IL4: variants seen among roughly 807,000 people sequenced by gnomAD.
The protein encoded by IL4 is interleukin-4.
IL4 carries 10 observed loss-of-function variants against 17.4 expected under a neutral mutation model. That is an observed-to-expected ratio of 0.57 (90% CI 0.35 to 0.97). The LOEUF is 0.97. Among genes scored for constraint, IL4 ranks in the 50% least tolerant of loss-of-function variants. The pLI, the probability that IL4 is intolerant of heterozygous loss-of-function variation, is 0.01. For synonymous variants in IL4, 87 were observed against 79.0 expected (o/e 1.10, Z -0.54); for missense variants, 174 against 187.7 (o/e 0.93, Z 0.43).
At chr5:132,678,712 G>A (rs775654061) in intron 2 of IL4, among the ~76,000 whole-genome samples, 6 of 152,126 alleles carry the variant, frequency 3.9e-5, no homozygotes, top group Non-Finnish European at 5.9e-5. Context: ...AGAGCATGTC[G>A]GGGGAGAGGC....
intron 3 of IL4, 26 bp downstream of exon 3, chr5:132,679,916 G>C (rs1304546181): frequency 6.3e-7 from 1 of 1,587,618 alleles, no homozygotes; most frequent in Non-Finnish European, 8.6e-7. Context: ...TTCCTGGCAA[G>C]CCGGCCGCGT....
At chr5:132,679,059 C>G (rs1244681772) in intron 2 of IL4, among the ~76,000 whole-genome samples, 1 of 152,230 alleles carries the variant, frequency 6.6e-6, no homozygotes, top group Non-Finnish European at 1.5e-5. Flanking sequence ...CCAGAGCCTC[C>G]TCTGATCTCC....
rs1454518739 is a variant in IL4, at chr5:132,682,563, G to A, written c.438G>A (p.Glu146=). ...FLERLKTIMR[E]KYSKCSS ...AAAGGCTAAAGACGATCATGAGAGAGAAATATTCAAAGTGTTCGAGCTGAA... is the reference window on the plus strand; with the variant it reads ...AAAGGCTAAAGACGATCATGAGAGAAAAATATTCAAAGTGTTCGAGCTGAA... The change falls in exon 4 of 4, where the codon GAG becomes GAA. Residue 146 remains glutamate, a synonymous_variant. Coordinates refer to ENST00000231449, the MANE Select transcript of IL4 (RefSeq NM_000589.4). The A allele has an allele frequency of 1.2e-6, 2 of 1,604,988 alleles. No homozygotes were observed. The highest frequency in any genetic ancestry group is 1.7e-5 in the Admixed American group (1 of 59,860).
intron 2 of IL4, among the ~76,000 whole-genome samples, chr5:132,678,819 A>G (rs569263879): frequency 6.6e-6 from 1 of 152,332 alleles, no homozygotes; most frequent in East Asian, 1.9e-4. Flanking sequence ...GTGAAAAATG[A>G]GAGGACACAC....
intron 2 of IL4, 96 bp from the exon 3 acceptor site, chr5:132,679,618 T>C: frequency 9.0e-7 from 1 of 1,113,906 alleles, no homozygotes; most frequent in Non-Finnish European, 1.3e-6. Flanking sequence ...TCACCTCCAT[T>C]TGTCCTCCTG....
chr5:132,677,826 C>G (rs376190821), intron 2 of IL4: 1 of 152,222 alleles, frequency 6.6e-6, no homozygotes, highest in Admixed American at 6.5e-5. Flanking sequence ...CACCATCTGC[C>G]GCCCCCCATC....
chr5:132,677,077 A>G (rs896256058), intron 2 of IL4, among the ~76,000 whole-genome samples: 1 of 152,230 alleles, frequency 6.6e-6, no homozygotes, highest in Non-Finnish European at 1.5e-5. Flanking sequence ...AATTCTACAG[A>G]GAGTTCCATA....
chr5:132,677,507 A>C (rs1752403353), intron 2 of IL4, among the ~76,000 whole-genome samples: 1 of 152,234 alleles, frequency 6.6e-6, no homozygotes, highest in Non-Finnish European at 1.5e-5. Flanking sequence ...AAGGCCTTGC[A>C]CTAAAGCTGC....
chr5:132,681,416 T>C (rs1403746441), intron 3 of IL4, among the ~76,000 whole-genome samples: 1 of 152,076 alleles, frequency 6.6e-6, no homozygotes, highest in Non-Finnish European at 1.5e-5. Flanking sequence ...GTGAGGCTGA[T>C]GTAAATGGAG....
chr5:132,679,623 C>A, intron 2 of IL4, 91 bp from the exon 3 acceptor site: 1 of 1,172,948 alleles, frequency 8.5e-7, no homozygotes, highest in Non-Finnish European at 1.2e-6. Flanking sequence ...TCCATTTGTC[C>A]TCCTGGAAAG....
intron 2 of IL4, among the ~76,000 whole-genome samples, chr5:132,675,882 T>C (rs1308752146): frequency 2.4e-5 from 3 of 123,584 alleles, no homozygotes; most frequent in Non-Finnish European, 5.2e-5. Flanking sequence ...TGTGTGTATA[T>C]ATGTGTGTGT....
At chr5:132,675,917 A>ATGTGTGTGTG (rs1321831614) in intron 2 of IL4, among the ~76,000 whole-genome samples, 147 of 80,122 alleles carry the variant, frequency 1.8e-3, no homozygotes, top group African/African-American at 8.0e-3. Flanking sequence ...GTATGTATAT[A>ATGTGTGTGTG]TGTGTATGTA....
At chr5:132,679,956 A>C in intron 3 of IL4, 66 bp downstream of exon 3, 1 of 1,377,270 alleles carries the variant, frequency 7.3e-7, no homozygotes, top group Non-Finnish European at 1.0e-6. Flanking sequence ...CCTCACTTCT[A>C]AACACTCCTT....
rs1752461454 is a variant in IL4, at chr5:132,680,301, C to G, written c.360+411C>G. On this transcript the variant is annotated intron_variant, in intron 3 of 3. Transcript: ENST00000231449. This position sits in a 1 kb window ranked among gnomAD's most constrained non-coding sequence, Gnocchi z 4.3. Reference sequence around the variant, plus strand: ...AGGCCACATGACTAACTAGGGAGACCATTCCAGGCAGAAGGAGGAGGTATG... The same window carrying G: ...AGGCCACATGACTAACTAGGGAGACGATTCCAGGCAGAAGGAGGAGGTATG... 6.6e-6 allele frequency among the ~76,000 whole-genome samples: 1 copy of G among 152,108 alleles called. No individual in the cohort carries two copies. The highest frequency in any genetic ancestry group is 2.1e-4 in the South Asian group (1 of 4,828).
intron 2 of IL4, among the ~76,000 whole-genome samples, chr5:132,677,435 C>T (rs1752401175): frequency 6.6e-6 from 1 of 152,220 alleles, no homozygotes; most frequent in African/African-American, 2.4e-5. Context: ...GGTAGGAGTC[C>T]AGGGCCACGG....
In IL4 at chr5:132,679,846, T is replaced by C; in HGVS notation, c.316T>C (p.Phe106Leu). ...QFHRHKQLIR[F>L]LKRLDRNLWG... Reference sequence around the variant, plus strand: ...CCACAGGCACAAGCAGCTGATCCGATTCCTGAAACGGCTCGACAGGAACCT... The same window carrying C: ...CCACAGGCACAAGCAGCTGATCCGACTCCTGAAACGGCTCGACAGGAACCT... Residue 106 changes from phenylalanine to leucine, a missense_variant, in exon 3 of 4, where the codon TTC (phenylalanine) becomes CTC (leucine). Transcript: ENST00000231449. 6.2e-7 allele frequency: 1 copy of C among 1,613,910 alleles called. No individual in the cohort carries two copies.
chr5:132,681,676 G>C (rs1752490899), intron 3 of IL4, among the ~76,000 whole-genome samples: 1 of 152,172 alleles, frequency 6.6e-6, no homozygotes, highest in African/African-American at 2.4e-5. Flanking sequence ...AGAGCAGAAA[G>C]AGGAAGAATC....
chr5:132,674,411 T>A, intron 1 of IL4, 48 bp from the exon 2 acceptor site: 1 of 1,583,986 alleles, frequency 6.3e-7, no homozygotes, highest in Non-Finnish European at 8.7e-7. Flanking sequence ...CTCTGTCCGG[T>A]TGGAGGTTAA....
intron 3 of IL4, among the ~76,000 whole-genome samples, chr5:132,682,023 A>G (rs1346106918): frequency 6.6e-6 from 1 of 152,166 alleles, no homozygotes; most frequent in Non-Finnish European, 1.5e-5. Flanking sequence ...TGGGGGTAGC[A>G]TCTGGAATCC....
Sources: allele counts gnomAD v4.1 joint callset (sites outside exome capture counted in the v4.1 genomes callset), GRCh38; gene constraint gnomAD v4.1.1; non-coding constraint Gnocchi (gnomAD v3.1); transcripts MANE v1.5; gene names NCBI Gene and HGNC (gene_info 2026-07-23, HGNC 2026-07-21).